The following AGBL4 variants were observed in gnomAD, a reference collection of about 807,000 sequenced individuals.
AGBL4 encodes the protein cytosolic carboxypeptidase 6.
AGBL4 carries 58 observed loss-of-function variants against 66.4 expected under a neutral mutation model. The observed-to-expected ratio is 0.87, with a 90% CI of 0.71 to 1.09. The LOEUF (loss-of-function observed/expected upper bound fraction) is 1.09. Ranked by LOEUF, AGBL4 falls within the 50% of genes least tolerant of loss-of-function variation. The pLI is 0.00. For missense variants in AGBL4, 579 were observed against 631.0 expected, an observed-to-expected ratio of 0.92 and a Z score of 0.88; for synonymous variants, 234 against 222.9, an observed-to-expected ratio of 1.05 and a Z score of -0.44.
At chr1:50,018,463 A>T (rs1315120000) in intron 1 of AGBL4, among the ~76,000 whole-genome samples, 1 of 152,140 alleles carries the variant, frequency 6.6e-6, no homozygotes, top group African/African-American at 2.4e-5. Flanking sequence ...CTAAGAATGA[A>T]ATTTTTCCTT....
chr1:48,550,452 T>C (rs77728109), intron 11 of AGBL4, among the ~76,000 whole-genome samples: 11,670 of 152,158 alleles, frequency 0.077, 555 homozygotes, highest in African/African-American at 0.1. Flanking sequence ...GTCAGATCTC[T>C]CTCTGCCTGT....
intron 3 of AGBL4, among the ~76,000 whole-genome samples, chr1:49,513,001 GA>G (rs1442032847): frequency 2.0e-5 from 3 of 152,090 alleles, no homozygotes; most frequent in Non-Finnish European, 4.4e-5. Flanking sequence ...TATATAGACT[GA>G]CCAGGAATAA....
At chr1:49,304,797 T>C (rs1241257987) in intron 3 of AGBL4, among the ~76,000 whole-genome samples, 1 of 152,202 alleles carries the variant, frequency 6.6e-6, no homozygotes, top group African/African-American at 2.4e-5. Flanking sequence ...GATGCCAGTA[T>C]ATGAGAATAT....
chr1:49,510,370 A>G (rs1161174248), intron 3 of AGBL4, among the ~76,000 whole-genome samples: 1 of 151,310 alleles, frequency 6.6e-6, no homozygotes, highest in African/African-American at 2.4e-5. Flanking sequence ...TTTTGGCTGC[A>G]TAAATGTCTT....
intron 3 of AGBL4, among the ~76,000 whole-genome samples, chr1:49,500,963 T>C (rs1648098591): frequency 6.6e-6 from 1 of 152,138 alleles, no homozygotes; most frequent in Non-Finnish European, 1.5e-5. Flanking sequence ...ACACTGCTTT[T>C]GCCAGTATGA....
intron 3 of AGBL4, among the ~76,000 whole-genome samples, chr1:49,489,191 T>A (rs1009751142): frequency 4.0e-5 from 6 of 151,864 alleles, no homozygotes; most frequent in Non-Finnish European, 7.4e-5. Context: ...CTCGCTTTCA[T>A]TTGTTATTGC....
chr1:49,997,181 A>C (rs574289955), intron 1 of AGBL4, among the ~76,000 whole-genome samples: 29 of 152,284 alleles, frequency 1.9e-4, no homozygotes, highest in Non-Finnish European at 7.4e-5. Flanking sequence ...AGACAGCATG[A>C]TGAATAGAAA....
chr1:48,849,888 G>A (rs997975823), intron 6 of AGBL4, among the ~76,000 whole-genome samples: 11 of 152,276 alleles, frequency 7.2e-5, no homozygotes, highest in African/African-American at 1.4e-4. Context: ...CAGGAAAATC[G>A]CTGGAACCGG....
At chr1:49,666,964 T>C (rs1276271272) in intron 3 of AGBL4, among the ~76,000 whole-genome samples, 1 of 152,150 alleles carries the variant, frequency 6.6e-6, no homozygotes, top group Non-Finnish European at 1.5e-5. Flanking sequence ...AAGCACTTCA[T>C]ACTTGGAATA....
At chr1:49,691,070 G>C (rs560796295) in intron 3 of AGBL4, among the ~76,000 whole-genome samples, 1 of 152,076 alleles carries the variant, frequency 6.6e-6, no homozygotes, top group Non-Finnish European at 1.5e-5. Flanking sequence ...GAAAGAAGGT[G>C]GAGGAGGAGG....
intron 5 of AGBL4, among the ~76,000 whole-genome samples, chr1:48,935,561 C>T (rs12141617): frequency 1.3e-5 from 2 of 152,086 alleles, no homozygotes; most frequent in Non-Finnish European, 2.9e-5. Flanking sequence ...CTGACTTCAT[C>T]TCTCAGTTGG....
chr1:48,696,015 A>C (rs1016187123), intron 6 of AGBL4, among the ~76,000 whole-genome samples: 2 of 152,188 alleles, frequency 1.3e-5, no homozygotes, highest in Admixed American at 1.3e-4. Context: ...CATTAGGAGC[A>C]GAAGCCCGCC....
Position 49,950,009 on chromosome 1 carries a change from T to TACAC in AGBL4, c.34+73750_34+73753dup, listed in dbSNP as rs371624252. 6.6e-3 allele frequency among the ~76,000 whole-genome samples: 675 copies of TACAC among 102,834 alleles called. 2 individuals are homozygous for TACAC. Among genetic ancestry groups the TACAC allele is most frequent in the East Asian group, 0.013 (52 of 3,866 alleles). 67.5% of individuals were successfully genotyped at this position (102,834 alleles called of 152,430 possible). On this transcript the variant is annotated intron_variant, in intron 1 of 13. Transcript: ENST00000371839. The stretch of plus-strand genomic sequence containing the variant: ...GTATATATATATGTGTATATATATA[T>TACAC]ACACACACATATGTGTGTGTGTGTA...
intron 1 of AGBL4, among the ~76,000 whole-genome samples, 173 bp from the exon 2 acceptor site, chr1:49,851,691 T>C (rs1197205926): frequency 1.3e-5 from 2 of 152,112 alleles, no homozygotes; most frequent in African/African-American, 2.4e-5. Context: ...CAAAATGATA[T>C]AGGGTCAAAT....
intron 4 of AGBL4, among the ~76,000 whole-genome samples, chr1:49,164,959 C>T (rs1646607046): frequency 6.6e-6 from 1 of 152,116 alleles, no homozygotes; most frequent in Non-Finnish European, 1.5e-5. Flanking sequence ...GCTCCATAGT[C>T]TCTCTACTCC....
At chr1:48,888,373 A>G (rs1226169930) in intron 5 of AGBL4, among the ~76,000 whole-genome samples, 2 of 152,098 alleles carry the variant, frequency 1.3e-5, no homozygotes, top group Non-Finnish European at 2.9e-5. Context: ...TCAAAACCGC[A>G]CTATCCTTCT....
At position 48,703,269 on chromosome 1, in the gene AGBL4, T is replaced by A. The variant is rs1646830559; in HGVS notation, c.635-40028A>T. 2.0e-5 allele frequency among the ~76,000 whole-genome samples: 3 copies of A among 152,178 alleles called. No individual in the cohort carries two copies. The South Asian group carries it at 6.2e-4, about 32-fold the overall frequency. On this transcript the variant is annotated intron_variant, in intron 6 of 13. Transcript: ENST00000371839. ...GCAGAGATGCAAAGGAAGCTGAAAG[T>A]AAGACAATACGGCAAGTCGGGACAA...
chr1:49,607,390 A>T (rs1645079069), intron 3 of AGBL4, among the ~76,000 whole-genome samples: 1 of 152,042 alleles, frequency 6.6e-6, no homozygotes, highest in Non-Finnish European at 1.5e-5. Context: ...TTCTTAAATG[A>T]TTCATTTGAT....
intron 3 of AGBL4, among the ~76,000 whole-genome samples, chr1:49,481,441 A>G (rs1557980897): frequency 6.6e-6 from 1 of 151,974 alleles, no homozygotes; most frequent in Non-Finnish European, 1.5e-5. Flanking sequence ...TGTTTTTAGC[A>G]TATAAGAATG....
Sources: allele counts gnomAD v4.1 joint callset (sites outside exome capture counted in the v4.1 genomes callset), GRCh38; gene constraint gnomAD v4.1.1; transcripts MANE v1.5; gene names NCBI Gene and HGNC (gene_info 2026-07-23, HGNC 2026-07-21).